Variants in NEBL observed in about 807,000 individuals in gnomAD.
The protein encoded by NEBL is nebulette, also known as LIM and SH3 protein 2.
A neutral mutation model predicts 140.2 loss-of-function variants in NEBL; 122 were observed. The observed-to-expected ratio is 0.87, with a 90% CI of 0.75 to 1.01. NEBL has a LOEUF of 1.01. NEBL is among the 50% of genes least tolerant of loss of function. NEBL has a pLI of 0.00. For synonymous variants in NEBL, 436 were observed against 398.9 expected, an observed-to-expected ratio of 1.09 and a Z score of -1.11; for missense variants, 1,365 against 1,231.3, an observed-to-expected ratio of 1.11 and a Z score of -1.62.
intron 3 of NEBL, among the ~76,000 whole-genome samples, chr10:21,181,218 G>A (rs548827510): frequency 1.3e-5 from 2 of 151,752 alleles, no homozygotes; most frequent in South Asian, 2.1e-4. Flanking sequence ...AGCCAAGATC[G>A]GGCCATTGCA....
chr10:21,239,804 C>A (rs982906265), intron 3 of NEBL, among the ~76,000 whole-genome samples: 2 of 151,936 alleles, frequency 1.3e-5, no homozygotes, highest in African/African-American at 4.8e-5. Context: ...ATTACAAGGT[C>A]AGGAGATCAA....
At chr10:21,065,204 T>C (rs911816020) in intron 2 of NEBL, among the ~76,000 whole-genome samples, 7 of 152,178 alleles carry the variant, frequency 4.6e-5, no homozygotes, top group African/African-American at 1.4e-4. Context: ...CCACAGCATA[T>C]GCCTTAGTTA....
intron 2 of NEBL, chr10:21,029,063 C>T: frequency 9.6e-7 from 1 of 1,036,950 alleles, no homozygotes; most frequent in East Asian, 2.4e-5. Context: ...GACTTTCTAG[C>T]TGAGGACTGG....
At chr10:21,241,387 G>A (rs575416056) in intron 3 of NEBL, among the ~76,000 whole-genome samples, 6 of 152,040 alleles carry the variant, frequency 3.9e-5, no homozygotes, top group African/African-American at 1.2e-4. Context: ...TTGCATTCCC[G>A]TTCCAGGCGG....
intron 2 of NEBL, among the ~76,000 whole-genome samples, chr10:21,145,855 C>T (rs951041353): frequency 7.9e-5 from 12 of 152,290 alleles, no homozygotes; most frequent in African/African-American, 2.9e-4. Flanking sequence ...CTGATTTGGA[C>T]TGACTGAATC....
chr10:20,873,211 A>T (rs905724597), intron 5 of NEBL, among the ~76,000 whole-genome samples: 4 of 152,202 alleles, frequency 2.6e-5, no homozygotes, highest in African/African-American at 7.2e-5. Context: ...GTGTGTATAC[A>T]TATTTTTTTC....
At chr10:20,832,370 C>T (rs1348180851) in intron 14 of NEBL, among the ~76,000 whole-genome samples, 1 of 152,132 alleles carries the variant, frequency 6.6e-6, no homozygotes, top group African/African-American at 2.4e-5. Flanking sequence ...CTAGATCAAG[C>T]CGTGCCTAGG....
At chr10:20,898,808 T>G (rs1847706276), upstream of NEBL, among the ~76,000 whole-genome samples, 1 of 152,090 alleles carries the variant, frequency 6.6e-6, no homozygotes, top group African/African-American at 2.4e-5. Flanking sequence ...CTACCTATCT[T>G]TTTTTTAATC....
chr10:21,010,913 A>C (rs953912986), intron 3 of NEBL, among the ~76,000 whole-genome samples: 1 of 152,214 alleles, frequency 6.6e-6, no homozygotes, highest in Non-Finnish European at 1.5e-5. Flanking sequence ...CTTCCCTCAA[A>C]TCTATGTGAC....
intron 26 of NEBL, among the ~76,000 whole-genome samples, chr10:20,792,099 C>G (rs1836044705): frequency 1.5e-5 from 2 of 132,774 alleles, no homozygotes; most frequent in Middle Eastern, 4.3e-3. Flanking sequence ...TATAGAGATA[C>G]AGTCGATGGC....
chr10:20,799,592 A>T (rs1836898973), intron 26 of NEBL, among the ~76,000 whole-genome samples: 1 of 152,206 alleles, frequency 6.6e-6, no homozygotes. Context: ...TGCAAATAAC[A>T]CTCAAATATA....
chr10:21,066,992 A>ATTTTTTC (rs1835584358), intron 2 of NEBL, among the ~76,000 whole-genome samples: 1 of 13,374 alleles, frequency 7.5e-5, no homozygotes, highest in African/African-American at 1.8e-4. Context: ...TTTTTTTTTG[A>ATTTTTTC]GACAGAGTCT....
chr10:21,029,085 A>T (rs1160606351), intron 2 of NEBL: 1 of 1,163,586 alleles, frequency 8.6e-7, no homozygotes, highest in Non-Finnish European at 1.3e-6. Context: ...GGACTGGTGG[A>T]GGAAGCACCT....
intron 3 of NEBL, among the ~76,000 whole-genome samples, chr10:21,018,541 C>T (rs935399987): frequency 1.3e-5 from 2 of 152,120 alleles, no homozygotes; most frequent in African/African-American, 4.8e-5. Flanking sequence ...AAATAGCTCC[C>T]AACCATCTAT....
At chr10:21,232,343 A>G (rs1380467346) in intron 3 of NEBL, among the ~76,000 whole-genome samples, 1 of 152,214 alleles carries the variant, frequency 6.6e-6, no homozygotes, top group Non-Finnish European at 1.5e-5. Flanking sequence ...TAAGTGGAAC[A>G]CAAATTTGCC....
chr10:20,808,756 ATC>A, intron 25 of NEBL, 97 bp from the exon 26 acceptor site: 1 of 1,296,978 alleles, frequency 7.7e-7, no homozygotes, highest in Non-Finnish European at 1.1e-6. Context: ...AAGAAAAACC[ATC>A]TCTTAGTAAA....
At chr10:20,903,548 A>G (rs1175555868) in intron 4 of NEBL, among the ~76,000 whole-genome samples, 2 of 152,190 alleles carry the variant, frequency 1.3e-5, no homozygotes, top group African/African-American at 4.8e-5. Flanking sequence ...TCCTTATATC[A>G]AAAAGACATC....
chr10:21,162,822 G>A (rs971952231), intron 2 of NEBL, among the ~76,000 whole-genome samples: 9 of 152,230 alleles, frequency 5.9e-5, no homozygotes, highest in African/African-American at 2.2e-4. Flanking sequence ...ACAAAGGTAG[G>A]CATAGCCTTA....
chr10:21,052,122 G>GA (rs1834805630), intron 2 of NEBL, among the ~76,000 whole-genome samples: 2 of 152,104 alleles, frequency 1.3e-5, no homozygotes, highest in South Asian at 4.1e-4. Context: ...AGATAAGAAG[G>GA]AAAATGACAC....
Sources: allele counts gnomAD v4.1 joint callset (sites outside exome capture counted in the v4.1 genomes callset), GRCh38; gene constraint gnomAD v4.1.1; transcripts MANE v1.5; gene names NCBI Gene and HGNC (gene_info 2026-07-23, HGNC 2026-07-21).